LTK: variants seen among roughly 807,000 people sequenced by gnomAD.
The protein encoded by LTK is leukocyte receptor tyrosine kinase.
In LTK, 117 loss-of-function variants were observed where a neutral mutation model predicts 101.5. The ratio of observed to expected loss-of-function variants is 1.15; its 90% CI spans 0.99 to 1.34. LTK has a LOEUF of 1.34. LTK is among the 40% of genes most tolerant of loss of function. The probability of loss-of-function intolerance (pLI) is 0.00; values close to 1 mark genes in which losing one functional copy is unlikely to be tolerated. For missense variants in LTK, 1,252 were observed against 1,164.7 expected (o/e 1.07, Z -1.09); for synonymous variants, 563 against 494.2 (o/e 1.14, Z -1.85).
chr15:41,512,628 G>T, intron 3 of LTK, 79 bp downstream of exon 3: 2 of 1,424,064 alleles, frequency 1.4e-6, no homozygotes, highest in Non-Finnish European at 1.8e-6. Context: ...AAGTCGGTGC[G>T]CACGTGGACT....
Position 41,512,873 on chromosome 15 carries a change from C to T in LTK, c.193G>A (p.Glu65Lys), listed in dbSNP as rs1211104047. The stretch of plus-strand genomic sequence containing the variant: ...CAGGTAGAAAACAGCCAAGACCCCT[C>T]GGTGCCTGAGAGCAAGGAGCGAGGC... ...PASPLNSPGTEGSWLFSTCGA... is the reference protein window; with the variant it reads ...PASPLNSPGTKGSWLFSTCGA... Residue 65 changes from glutamate (E) to lysine (K), a missense_variant, in exon 3 of 20, where the codon GAG becomes AAG. Coordinates refer to ENST00000263800, the MANE Select transcript of LTK (RefSeq NM_002344.6). 4.3e-6 allele frequency: 7 copies of T among 1,610,522 alleles called. No individual in the cohort carries two copies. Among genetic ancestry groups the T allele is most frequent in the Non-Finnish European group, 5.9e-6 (7 of 1,178,180 alleles).
At chr15:41,505,373 C>T (rs1172545658) in intron 14 of LTK, 28 bp downstream of exon 14, 3 of 1,591,060 alleles carry the variant, frequency 1.9e-6, no homozygotes, top group Non-Finnish European at 2.6e-6. Context: ...TTTAGAGGGG[C>T]CTGGGGGGGC....
At chr15:41,507,715 A>G in intron 9 of LTK, 58 bp from the exon 10 acceptor site, 1 of 1,525,042 alleles carries the variant, frequency 6.6e-7, no homozygotes, top group Admixed American at 2.0e-5. Flanking sequence ...TTTACCCTCA[A>G]GTTTTACCCA....
rs574387915 is a variant in LTK at position 41,505,656 on chromosome 15, A to G, written c.1697+57T>C. 251 of 1,609,534 alleles carry G rather than the reference A, an allele frequency of 1.6e-4. 6 individuals carry two copies. The South Asian group carries it at 2.1e-3, about 14-fold the overall frequency. ...TACCTCAGCCTCAGGGTGAAGAGAA[A>G]CTGTTCCCGGGCATTCCCCTCCCGC... On this transcript the variant is annotated intron_variant, in intron 13 of 19. Coordinates refer to ENST00000263800, the MANE Select transcript of LTK (RefSeq NM_002344.6).
Position 41,512,962 on chromosome 15 carries a change from G to A in LTK, c.187+15C>T. ...GTATGGTGAGCGAAAGAGGAAGGAG[G>A]CGTCTAAAGCTCACCCGGAGAATTC... On this transcript the variant is annotated intron_variant, in intron 2 of 19. Coordinates refer to ENST00000263800, the MANE Select transcript of LTK (RefSeq NM_002344.6). The A allele has an allele frequency of 1.2e-6, 2 of 1,613,376 alleles. No individual in the cohort carries two copies. Among genetic ancestry groups the A allele is most frequent in the Non-Finnish European group, 1.7e-6 (2 of 1,179,780 alleles).
intron 7 of LTK, among the ~76,000 whole-genome samples, chr15:41,509,494 A>T (rs1305842015): frequency 2.0e-5 from 3 of 152,336 alleles, no homozygotes; most frequent in Middle Eastern, 3.4e-3. Flanking sequence ...TCTCCCTTAC[A>T]GTTTCTGATT....
In LTK at chr15:41,505,542, G is replaced by C. The variant is rs375144722; in HGVS notation, c.1698-12C>G. On this transcript the variant is annotated splice_polypyrimidine_tract_variant and intron_variant, in intron 13 of 19. Transcript: ENST00000263800. Reference sequence around the variant, plus strand: ...GATGGCGAAACTTGCTGAGTGGGGTGGGGGACATATCCCGTTACCAGGAGG... The same window carrying C: ...GATGGCGAAACTTGCTGAGTGGGGTCGGGGACATATCCCGTTACCAGGAGG... The C allele has an allele frequency of 6.2e-7, 1 of 1,613,614 alleles. No homozygotes were observed. Among genetic ancestry groups the C allele is most frequent in the Non-Finnish European group, 8.5e-7 (1 of 1,179,872 alleles).
At chr15:41,505,852 A>G (rs1239110875) in intron 12 of LTK, 63 bp downstream of exon 12, 1 of 1,601,144 alleles carries the variant, frequency 6.2e-7, no homozygotes, top group Admixed American at 1.7e-5. Context: ...AGCTCTAGTC[A>G]TTGTCCTTCC....
rs114174419 is a variant in LTK at position 41,507,727 on chromosome 15, G to A, written c.1250-70C>T. The A allele has an allele frequency of 1.9e-4, 279 of 1,465,008 alleles. 1 individual carries two copies. Among genetic ancestry groups the A allele is most frequent in the South Asian group, 6.3e-4 (49 of 78,090 alleles). The allele number at this position is 1,465,008 out of a possible 1,614,324, so 90.8% of individuals were successfully genotyped here. A position where few individuals can be genotyped will look rare whatever the true frequency, so the allele number is the denominator to read the frequency against. On this transcript the variant is annotated intron_variant, in intron 9 of 19. Coordinates refer to ENST00000263800, the MANE Select transcript of LTK (RefSeq NM_002344.6). ...TCCTTTACCCTCAAGTTTTACCCAC[G>A]CTTCAAGACTCAGCTCAAGTGTTAA...
chr15:41,511,606 A>G lies in LTK; in HGVS notation c.658-28T>C. 7.0e-7 allele frequency: 1 copy of G among 1,425,538 alleles called. No individual in the cohort carries two copies. Among genetic ancestry groups the G allele is most frequent in the South Asian group, 1.6e-5 (1 of 64,320 alleles). 88.3% of individuals were successfully genotyped at this position (1,425,538 alleles called of 1,614,324 possible). On this transcript the variant is annotated intron_variant, in intron 5 of 19. Transcript: ENST00000263800. This position sits in a 1 kb window ranked among gnomAD's most constrained non-coding sequence, Gnocchi z 5.9. ...GTGGGGCCAGCGGCGTGTTCCAGGA[A>G]GCGCCCTCCAGCTGTCCAGGGGCAC...
At chr15:41,513,214 C>A in intron 1 of LTK, 94 bp from the exon 2 acceptor site, 2 of 1,425,090 alleles carry the variant, frequency 1.4e-6, no homozygotes, top group East Asian at 2.5e-5. Flanking sequence ...CCCTTGCGGT[C>A]GCGGCCACAC....
At chr15:41,504,750 G>C (rs1388510920) in intron 17 of LTK, 23 bp downstream of exon 17, 2 of 1,603,412 alleles carry the variant, frequency 1.2e-6, no homozygotes, top group Non-Finnish European at 1.7e-6. Context: ...CAGTGGGGAA[G>C]GGGAGGGGAA....
At position 41,511,304 on chromosome 15, in the gene LTK, G is replaced by A; in HGVS notation, c.857C>T (p.Ala286Val). 2 of 1,372,326 alleles carry A rather than the reference G, an allele frequency of 1.5e-6. No homozygotes were observed. Among genetic ancestry groups the A allele is most frequent in the Non-Finnish European group, 1.9e-6 (2 of 1,070,806 alleles). 85.0% of individuals were successfully genotyped at this position (1,372,326 alleles called of 1,614,324 possible). The change falls in exon 7 of 20, where the codon GCC becomes GTC. Residue 286 changes from alanine (A) to valine (V), a missense_variant. Transcript: ENST00000263800. The surrounding 1 kb of genome is among the most constrained non-coding windows in gnomAD (Gnocchi z 5.9). The stretch of plus-strand genomic sequence containing the variant: ...CGCCCCCTCCTGCAGTGAGCGGCCG[G>A]CCTGCGGAGAGGGAGCCCGCGACGT... Reference protein sequence around the residue: ...GWTSRAPSPQAGRSLQEGAEG... With the variant: ...GWTSRAPSPQVGRSLQEGAEG...
At position 41,504,987 on chromosome 15, in the gene LTK, G is replaced by C. The variant is rs751644680; in HGVS notation, c.2003C>G (p.Ala668Gly). 6 of 1,612,210 alleles carry C rather than the reference G, an allele frequency of 3.7e-6. No individual in the cohort carries two copies. The South Asian group carries it at 6.6e-5, about 18-fold the overall frequency. Reference sequence around the variant, plus strand: ...AGTCCCGCACCGGTAGATATCTCGTGCCATCCCAAAGTCCCCAATCTTGGC... The same window carrying C: ...AGTCCCGCACCGGTAGATATCTCGTCCCATCCCAAAGTCCCCAATCTTGGC... ...RVAKIGDFGMARDIYRASYYR... is the reference protein window; with the variant it reads ...RVAKIGDFGMGRDIYRASYYR... Residue 668 changes from alanine (A) to glycine (G), a missense_variant, in exon 16 of 20, where the codon GCA becomes GGA. By Grantham distance (60) the Ala-to-Gly change is moderately conservative. Coordinates refer to ENST00000263800, the MANE Select transcript of LTK (RefSeq NM_002344.6).
At chr15:41,513,612 AGCCTAGGAAAGT>A in intron 1 of LTK, 43 bp downstream of exon 1, 1 of 1,571,348 alleles carries the variant, frequency 6.4e-7, no homozygotes, top group Non-Finnish European at 8.8e-7. Flanking sequence ...GCCACCCCCA[AGCCTAGGAAAGT>A]GCCTCAGGCT....
In LTK at chr15:41,512,712, C is replaced by A; in HGVS notation, c.354G>T (p.Gln118His). ...TACCTCCGCCGTGCACTTACAGATA[C>A]TGGCCAGGGCCCGGCACGCGCCACA... ...VQLWRVPGPG[Q>H]YLISAYGAAG... The change falls in exon 3 of 20, where the codon CAG becomes CAT. Residue 118 changes from glutamine (Q) to histidine (H), a missense_variant. Gln to His is a conservative substitution (Grantham distance 24). Transcript: ENST00000263800. The A allele has an allele frequency of 1.3e-6, 2 of 1,583,248 alleles. No individual in the cohort carries two copies. Among genetic ancestry groups the A allele is most frequent in the East Asian group, 2.3e-5 (1 of 44,398 alleles).
Position 41,513,807 on chromosome 15 carries a change from C to A in LTK, c.-98G>T. 1 of 1,084,816 alleles carries A rather than the reference C, an allele frequency of 9.2e-7. No homozygotes were observed. The highest frequency in any genetic ancestry group is 1.4e-6 in the Non-Finnish European group (1 of 703,568). The allele number at this position is 1,084,816 out of a possible 1,614,324, so 67.2% of individuals were successfully genotyped here. Reference sequence around the variant, plus strand: ...CTCATTTTGCCACGGCAGCCCTGGCCACCACTTACAGGGGTGTGCTGCCGC... The same window carrying A: ...CTCATTTTGCCACGGCAGCCCTGGCAACCACTTACAGGGGTGTGCTGCCGC... On this transcript the variant is annotated 5_prime_UTR_variant, in exon 1 of 20. Coordinates refer to ENST00000263800, the MANE Select transcript of LTK (RefSeq NM_002344.6).
chr15:41,504,945 A>G (rs747263050), intron 16 of LTK, 27 bp downstream of exon 16: 1 of 1,599,920 alleles, frequency 6.3e-7, no homozygotes, highest in Non-Finnish European at 8.5e-7. Flanking sequence ...TTGGAGCAAG[A>G]GCCTTCCCAC....
chr15:41,507,081 G>A lies in LTK; in HGVS notation c.1541+14C>T, dbSNP rs903474771. 6 of 1,607,206 alleles carry A rather than the reference G, an allele frequency of 3.7e-6. No homozygotes were observed. The South Asian group carries it at 4.4e-5, about 12-fold the overall frequency. ...CAGAGTGCATAGGTTCTCAGAAGGA[G>A]GCAGAAGACTTACCTGAGCAGAGTA... is the stretch of plus-strand genomic sequence containing the variant. On this transcript the variant is annotated intron_variant, in intron 11 of 19. Coordinates refer to ENST00000263800, the MANE Select transcript of LTK (RefSeq NM_002344.6).
Sources: gnomAD v4.1 joint callset for allele counts (sites outside exome capture counted in the v4.1 genomes callset) on GRCh38, gnomAD v4.1.1 for gene constraint, Gnocchi (gnomAD v3.1) non-coding constraint, MANE v1.5 for transcripts, NCBI Gene and HGNC (gene_info 2026-07-23, HGNC 2026-07-21) for gene names.